The following PSMB7 variants were observed in gnomAD, a reference collection of about 807,000 sequenced individuals.
PSMB7 encodes the protein proteasome subunit beta type-7.
A neutral mutation model predicts 28.1 loss-of-function variants in PSMB7; 5 were observed. That is an observed-to-expected ratio of 0.18 (90% confidence interval 0.09 to 0.37). The LOEUF (loss-of-function observed/expected upper bound fraction) is 0.37. Among genes scored for constraint, PSMB7 ranks in the 10% least tolerant of loss-of-function variants. The pLI is 1.00. For synonymous variants in PSMB7, 122 were observed against 123.7 expected (o/e 0.99, Z 0.09); for missense variants, 275 against 346.2 (o/e 0.79, Z 1.63).
At chr9:124,386,665 A>T (rs1230259387) in intron 5 of PSMB7, among the ~76,000 whole-genome samples, 1 of 152,252 alleles carries the variant, frequency 6.6e-6, no homozygotes, top group Non-Finnish European at 1.5e-5. Context: ...ATAAACATTT[A>T]AAAAAGGACA....
chr9:124,391,814 T>C (rs1202993060), intron 5 of PSMB7, among the ~76,000 whole-genome samples: 1 of 151,310 alleles, frequency 6.6e-6, no homozygotes, highest in Non-Finnish European at 1.5e-5. Flanking sequence ...TGCTTTTACT[T>C]GTTCTGTACA....
At chr9:124,363,007 CTAAAG>C (rs777290745) in intron 6 of PSMB7, among the ~76,000 whole-genome samples, 22 of 152,302 alleles carry the variant, frequency 1.4e-4, no homozygotes, top group Admixed American at 7.8e-4. Flanking sequence ...AATTTGGACT[CTAAAG>C]AGAGAGGATG....
At chr9:124,384,715 A>C in intron 5 of PSMB7, 59 bp from the exon 6 acceptor site, 1 of 1,545,348 alleles carries the variant, frequency 6.5e-7, no homozygotes, top group Non-Finnish European at 8.9e-7. Context: ...ATCCATCTCA[A>C]GTTTACCTAG....
At chr9:124,369,754 C>T (rs1830543532) in intron 6 of PSMB7, among the ~76,000 whole-genome samples, 2 of 152,156 alleles carry the variant, frequency 1.3e-5, no homozygotes, top group African/African-American at 4.8e-5. Flanking sequence ...GTCTCCTTCT[C>T]TTCTGCCTCC....
chr9:124,357,054 A>T, intron 6 of PSMB7, 139 bp from the exon 7 acceptor site: 2 of 996,996 alleles, frequency 2.0e-6, no homozygotes, highest in South Asian at 3.5e-5. Flanking sequence ...ACAGATGAGG[A>T]AAAGATCTCA....
intron 4 of PSMB7, among the ~76,000 whole-genome samples, chr9:124,410,752 A>C (rs1346356496): frequency 6.6e-6 from 1 of 152,176 alleles, no homozygotes; most frequent in East Asian, 1.9e-4. Context: ...GCCTTGCTAC[A>C]ACCTCATATA....
At chr9:124,408,964 C>T (rs1830996602) in intron 4 of PSMB7, among the ~76,000 whole-genome samples, 1 of 152,196 alleles carries the variant, frequency 6.6e-6, no homozygotes, top group African/African-American at 2.4e-5. Context: ...GGTGAGAAGA[C>T]TAGGCTATAC....
At chr9:124,372,966 A>G (rs1830577198) in intron 6 of PSMB7, among the ~76,000 whole-genome samples, 1 of 152,236 alleles carries the variant, frequency 6.6e-6, no homozygotes, top group South Asian at 2.1e-4. Context: ...GTAAGATGCC[A>G]CAAAATTCAA....
intron 6 of PSMB7, among the ~76,000 whole-genome samples, chr9:124,384,388 C>T (rs1015581906): frequency 3.9e-5 from 6 of 152,180 alleles, no homozygotes; most frequent in Non-Finnish European, 5.9e-5. Context: ...AGCTGGATAG[C>T]GCTGGTGCCT....
At chr9:124,366,251 A>G (rs536135273) in intron 6 of PSMB7, among the ~76,000 whole-genome samples, 52 of 152,286 alleles carry the variant, frequency 3.4e-4, no homozygotes, top group Non-Finnish European at 5.9e-4. Flanking sequence ...CATCTCTACT[A>G]AAAATACAAA....
At chr9:124,385,024 T>C (rs1224399532) in intron 5 of PSMB7, among the ~76,000 whole-genome samples, 1 of 152,248 alleles carries the variant, frequency 6.6e-6, no homozygotes, top group Admixed American at 6.5e-5. Context: ...TAGTGCTCCA[T>C]ATTGTGCCTT....
chr9:124,395,211 A>ATAG (rs1356483639), intron 5 of PSMB7, among the ~76,000 whole-genome samples: 4 of 152,222 alleles, frequency 2.6e-5, no homozygotes, highest in African/African-American at 9.6e-5. Context: ...CAGGCTAAGC[A>ATAG]TAGTGGCTCA....
In PSMB7 at chr9:124,403,886, A is replaced by AT. The variant is rs35168987; in HGVS notation, c.511+1430dup. ...CCTTCTTCATAAGACCTGTCCTGAC[A>AT]TTTTTTTTTTTTTTTTTTTTAAACA... On this transcript the variant is annotated intron_variant, in intron 5 of 7. Coordinates refer to ENST00000259457, the MANE Select transcript of PSMB7 (RefSeq NM_002799.4). 4.7e-3 allele frequency among the ~76,000 whole-genome samples: 656 copies of AT among 138,224 alleles called. 4 individuals carry two copies. The highest frequency in any genetic ancestry group is 0.013 in the African/African-American group (492 of 37,384). 90.7% of individuals were successfully genotyped at this position (138,224 alleles called of 152,430 possible).
At chr9:124,358,014 A>C (rs1830430267) in intron 6 of PSMB7, among the ~76,000 whole-genome samples, 1 of 152,206 alleles carries the variant, frequency 6.6e-6, no homozygotes, top group Non-Finnish European at 1.5e-5. Flanking sequence ...TACAACGAGG[A>C]CAAAAATGAA....
chr9:124,409,582 GA>G (rs1353458038), intron 4 of PSMB7, among the ~76,000 whole-genome samples: 2 of 151,266 alleles, frequency 1.3e-5, no homozygotes, highest in Non-Finnish European at 1.5e-5. Context: ...GGGCTGTTCA[GA>G]AAAAAAAAGT....
intron 5 of PSMB7, among the ~76,000 whole-genome samples, chr9:124,388,157 G>A (rs1830745038): frequency 6.6e-6 from 1 of 152,316 alleles, no homozygotes; most frequent in Non-Finnish European, 1.5e-5. Context: ...AAACCAAGGC[G>A]AAAATCTTTT....
At chr9:124,410,257 G>C (rs1016732947) in intron 4 of PSMB7, among the ~76,000 whole-genome samples, 2 of 152,090 alleles carry the variant, frequency 1.3e-5, no homozygotes, top group African/African-American at 4.8e-5. Context: ...GCCCCCCAAA[G>C]TGCTGAGATT....
chr9:124,415,302 A>T (rs1831075212), intron 1 of PSMB7, 62 bp downstream of exon 1: 2 of 1,535,644 alleles, frequency 1.3e-6, no homozygotes, highest in Non-Finnish European at 1.8e-6. Flanking sequence ...ACCTTGGCCC[A>T]GCTCCCACCC....
intron 6 of PSMB7, among the ~76,000 whole-genome samples, chr9:124,379,629 C>T (rs1830645366): frequency 6.6e-6 from 1 of 152,182 alleles, no homozygotes; most frequent in South Asian, 2.1e-4. Context: ...CCATCTTGGG[C>T]GTTTACGAAT....
Sources: gnomAD v4.1 joint callset for allele counts (sites outside exome capture counted in the v4.1 genomes callset) on GRCh38, gnomAD v4.1.1 for gene constraint, MANE v1.5 for transcripts, NCBI Gene and HGNC (gene_info 2026-07-23, HGNC 2026-07-21) for gene names.